The following USP54 variants were observed in gnomAD, a reference collection of about 807,000 sequenced individuals.
The protein encoded by USP54 is ubiquitin carboxyl-terminal hydrolase 54.
In USP54, 87 loss-of-function variants were observed where a neutral mutation model predicts 170.5. The observed-to-expected ratio is 0.51, with a 90% CI of 0.43 to 0.61. USP54 has a LOEUF of 0.61. USP54 is among the 20% of genes least tolerant of loss of function. The pLI, the probability that USP54 is intolerant of heterozygous loss-of-function variation, is 0.00. For missense variants in USP54, 1,786 were observed against 2,047.8 expected (o/e 0.87, Z 2.47); for synonymous variants, 655 against 742.8 (o/e 0.88, Z 1.92).
At chr10:73,622,664 A>C (rs950566725) in intron 1 of USP54, among the ~76,000 whole-genome samples, 3 of 152,084 alleles carry the variant, frequency 2.0e-5, no homozygotes, top group Non-Finnish European at 4.4e-5. Context: ...ACTAAAAAAG[A>C]CTAATAGGAC....
intron 4 of USP54, among the ~76,000 whole-genome samples, chr10:73,569,652 T>G (rs566509850): frequency 2.0e-5 from 3 of 149,582 alleles, no homozygotes; most frequent in Admixed American, 6.7e-5. Context: ...ACTCGGGAGG[T>G]TGAGGAGAAG....
chr10:73,544,099 C>T (rs1463935637), intron 5 of USP54, among the ~76,000 whole-genome samples: 1 of 152,030 alleles, frequency 6.6e-6, no homozygotes, highest in Non-Finnish European at 1.5e-5. Context: ...TGTGCCACCA[C>T]GCCTGGCTAA....
At chr10:73,508,258 T>A (rs561370276) in intron 20 of USP54, among the ~76,000 whole-genome samples, 1 of 151,502 alleles carries the variant, frequency 6.6e-6, no homozygotes, top group African/African-American at 2.4e-5. Flanking sequence ...AATACAGAAA[T>A]CAGCTGGGTG....
intron 17 of USP54, among the ~76,000 whole-genome samples, chr10:73,522,995 C>T (rs889938757): frequency 5.3e-5 from 8 of 152,118 alleles, no homozygotes; most frequent in African/African-American, 1.9e-4. Context: ...TTCAGCTTGG[C>T]TGAACTATTT....
At chr10:73,530,076 C>T in intron 14 of USP54, 67 bp downstream of exon 14, 1 of 1,531,500 alleles carries the variant, frequency 6.5e-7, no homozygotes, top group South Asian at 1.3e-5. Flanking sequence ...ACCAAAAAAC[C>T]CAGGTTTTAA....
rs1235657594 is a variant in USP54 at position 73,526,704 on chromosome 10, G to C, written c.2137C>G (p.Leu713Val). The change falls in exon 16 of 24, where the codon CTG becomes GTG. Residue 713 changes from leucine to valine, a missense_variant. Leu to Val is a conservative substitution (Grantham distance 32, BLOSUM62 1). This residue lies in a region of USP54 where 1,418 missense variants were observed against 1,569.0 expected (regional missense o/e 0.90). Coordinates refer to ENST00000687698, the MANE Select transcript of USP54 (RefSeq NM_001391956.1). ...ATGGATGCTGTGGAGTCTACCTCCAGGATGCTACTGCTGTGCGACTTTGGG... is the reference window on the plus strand; with the variant it reads ...ATGGATGCTGTGGAGTCTACCTCCACGATGCTACTGCTGTGCGACTTTGGG... The part of the protein sequence containing the change: ...HIPKSHSSSI[L>V]EVDSTASMGG... 1.2e-6 allele frequency: 2 copies of C among 1,614,178 alleles called. No individual in the cohort carries two copies. The highest frequency in any genetic ancestry group is 2.2e-5 in the East Asian group (1 of 44,882).
intron 4 of USP54, among the ~76,000 whole-genome samples, chr10:73,552,486 CAT>C (rs939068797): frequency 6.6e-6 from 1 of 151,080 alleles, no homozygotes; most frequent in African/African-American, 2.4e-5. Context: ...CACACACACA[CAT>C]ATATATATAA....
chr10:73,542,981 G>A (rs749100556), intron 6 of USP54, 37 bp downstream of exon 6: 3 of 1,609,326 alleles, frequency 1.9e-6, no homozygotes, highest in Non-Finnish European at 2.6e-6. Flanking sequence ...AAGTGTTCTG[G>A]AAGAAATGTC....
chr10:73,527,456 C>G (rs2063100855), intron 15 of USP54, among the ~76,000 whole-genome samples: 1 of 148,198 alleles, frequency 6.7e-6, no homozygotes, highest in African/African-American at 2.5e-5. Context: ...CGAGATCGTG[C>G]CATTGCACTC....
chr10:73,594,309 G>A (rs572913169), upstream of USP54, among the ~76,000 whole-genome samples: 1 of 152,224 alleles, frequency 6.6e-6, no homozygotes, highest in East Asian at 1.9e-4. Context: ...GACCTCAAGT[G>A]ATCCACCTGA....
At chr10:73,561,358 C>T (rs1295609894) in intron 4 of USP54, among the ~76,000 whole-genome samples, 5 of 152,142 alleles carry the variant, frequency 3.3e-5, no homozygotes, top group Admixed American at 3.3e-4. Context: ...GGCACAGTGA[C>T]TCACATCTGT....
intron 1 of USP54, among the ~76,000 whole-genome samples, chr10:73,581,730 A>G (rs1176274477): frequency 1.3e-5 from 2 of 152,252 alleles, no homozygotes; most frequent in East Asian, 3.8e-4. Context: ...TAATCAAAGA[A>G]ACATCTAATG....
intron 1 of USP54, among the ~76,000 whole-genome samples, chr10:73,582,844 T>A (rs190069064): frequency 1.3e-5 from 2 of 152,334 alleles, no homozygotes; most frequent in African/African-American, 4.8e-5. Context: ...CTAAGGCATT[T>A]ATTAACTACA....
intron 9 of USP54, among the ~76,000 whole-genome samples, chr10:73,540,261 A>G (rs1398675670): frequency 6.6e-6 from 1 of 150,894 alleles, no homozygotes; most frequent in Non-Finnish European, 1.5e-5. Context: ...AGGAGCCAGG[A>G]AAGTTGGATT....
At chr10:73,507,331 T>G (rs1016389024) in intron 20 of USP54, 13 of 152,086 alleles carry the variant, frequency 8.5e-5, no homozygotes, top group African/African-American at 2.9e-4. Flanking sequence ...ATGTGTTTTT[T>G]GGGGTTTTCT....
At chr10:73,593,741 G>A (rs1589357887), upstream of USP54, among the ~76,000 whole-genome samples, 1 of 152,292 alleles carries the variant, frequency 6.6e-6, no homozygotes, top group South Asian at 2.1e-4. Context: ...AAAATCCTTG[G>A]AGGGTAGTGG....
intron 20 of USP54, among the ~76,000 whole-genome samples, chr10:73,510,185 A>C (rs1334543957): frequency 1.3e-5 from 2 of 151,772 alleles, no homozygotes; most frequent in Non-Finnish European, 2.9e-5. Flanking sequence ...AAATACAAAA[A>C]TTAGCCTGGC....
intron 23 of USP54, 76 bp from the exon 24 acceptor site, chr10:73,499,264 T>C: frequency 2.1e-6 from 3 of 1,436,076 alleles, no homozygotes; most frequent in Non-Finnish European, 2.8e-6. Context: ...CATGCCTAGC[T>C]GTGTAGCCCA....
intron 4 of USP54, among the ~76,000 whole-genome samples, chr10:73,565,101 G>T (rs942897554): frequency 1.3e-5 from 2 of 151,914 alleles, no homozygotes; most frequent in Non-Finnish European, 2.9e-5. Flanking sequence ...CAATATGATT[G>T]TAGCTTTGGT....
Sources: allele counts gnomAD v4.1 joint callset (sites outside exome capture counted in the v4.1 genomes callset), GRCh38; gene constraint gnomAD v4.1.1; regional missense constraint gnomAD v4.1.1; transcripts MANE v1.5; gene names NCBI Gene and HGNC (gene_info 2026-07-23, HGNC 2026-07-21).